The following TEX36 variants were observed in gnomAD, a reference collection of about 807,000 sequenced individuals.
TEX36 encodes testis expressed 36.
Under a neutral mutation model 13.6 loss-of-function variants are expected in TEX36, and 12 were observed. The ratio of observed to expected loss-of-function variants is 0.88; its 90% CI spans 0.56 to 1.43. The LOEUF (loss-of-function observed/expected upper bound fraction) is 1.43, where lower values mean the gene tolerates loss of function less well. TEX36 is among the 40% of genes most tolerant of loss of function. The probability of loss-of-function intolerance (pLI) is 0.00; values close to 1 mark genes in which losing one functional copy is unlikely to be tolerated. For synonymous variants in TEX36, 93 were observed against 83.0 expected, an observed-to-expected ratio of 1.12 and a Z score of -0.65; for missense variants, 224 against 228.3, an observed-to-expected ratio of 0.98 and a Z score of 0.12.
chr10:125,626,982 G>C (rs893242320), intron 3 of TEX36, among the ~76,000 whole-genome samples: 2 of 152,142 alleles, frequency 1.3e-5, no homozygotes, highest in Non-Finnish European at 2.9e-5. Flanking sequence ...TCCGGAGGGG[G>C]CTGGTGGGAT....
At chr10:125,630,564 T>G (rs1846540079) in intron 3 of TEX36, among the ~76,000 whole-genome samples, 1 of 152,292 alleles carries the variant, frequency 6.6e-6, no homozygotes, top group South Asian at 2.1e-4. Flanking sequence ...TCTGCCATAT[T>G]CTACTGGACA....
rs575153974 is a variant in TEX36 at position 125,586,901 on chromosome 10, G to A, written c.265-10027C>T. 3.6e-4 allele frequency among the ~76,000 whole-genome samples: 55 copies of A among 152,216 alleles called. No individual in the cohort carries two copies. The East Asian group carries it at 0.01, about 28-fold the overall frequency. ...CCCGGTGTTGGAGGTGGGGCCTGGT[G>A]GGAGGTGATTGGAAAGGTGGTTTCT... is the stretch of plus-strand genomic sequence containing the variant. On this transcript the variant is annotated intron_variant, in intron 3 of 3. Coordinates refer to the TEX36 transcript ENST00000532135.
downstream of TEX36, among the ~76,000 whole-genome samples, chr10:125,620,939 T>G (rs1288786105): frequency 1.3e-5 from 2 of 152,204 alleles, no homozygotes; most frequent in African/African-American, 4.8e-5. Flanking sequence ...TTTATCCATG[T>G]TGTAGCATGT....
In TEX36 at chr10:125,655,855, T is replaced by C. The variant is rs779595949; in HGVS notation, c.*45A>G. The C allele has an allele frequency of 6.9e-7, 1 of 1,444,362 alleles. No homozygotes were observed. The highest frequency in any genetic ancestry group is 9.1e-7 in the Non-Finnish European group (1 of 1,094,836). The allele number at this position is 1,444,362 out of a possible 1,614,324, so 89.5% of individuals were successfully genotyped here. A position where few individuals can be genotyped will look rare whatever the true frequency, so the allele number is the denominator to read the frequency against. ...AAACATATACTTTTAGGATGTCTGA[T>C]GAAATACCAGTATTACAAAATTCAT... is the stretch of plus-strand genomic sequence containing the variant. On this transcript the variant is annotated 3_prime_UTR_variant, in exon 4 of 4. Transcript: ENST00000368821.
intron 3 of TEX36, among the ~76,000 whole-genome samples, chr10:125,646,765 G>C (rs1846775141): frequency 1.3e-5 from 2 of 151,588 alleles, no homozygotes; most frequent in East Asian, 1.9e-4. Context: ...AAATAAAAAT[G>C]ATCAAAATTA....
At chr10:125,595,772 G>C (rs184009805) in intron 3 of TEX36, among the ~76,000 whole-genome samples, 121 of 152,248 alleles carry the variant, frequency 7.9e-4, no homozygotes, top group Non-Finnish European at 1.4e-3. Context: ...ACTTTGTCTA[G>C]GATGGCAGTC....
chr10:125,579,516 G>A (rs1845861218), intron 3 of TEX36, among the ~76,000 whole-genome samples: 1 of 152,190 alleles, frequency 6.6e-6, no homozygotes, highest in African/African-American at 2.4e-5. Flanking sequence ...TGGGGACACA[G>A]TCAAATCATG....
At chr10:125,635,646 C>T (rs1466444134) in intron 3 of TEX36, among the ~76,000 whole-genome samples, 1 of 152,188 alleles carries the variant, frequency 6.6e-6, no homozygotes, top group Non-Finnish European at 1.5e-5. Flanking sequence ...TGCCATCCTC[C>T]TGGCCTGAGA....
At chr10:125,629,153 A>T (rs1005678424) in intron 3 of TEX36, among the ~76,000 whole-genome samples, 1 of 152,236 alleles carries the variant, frequency 6.6e-6, no homozygotes, top group South Asian at 2.1e-4. Context: ...GATCTACATC[A>T]TAACTGCAAT....
At chr10:125,655,079 C>T (rs1397366263), downstream of TEX36, among the ~76,000 whole-genome samples, 2 of 152,094 alleles carry the variant, frequency 1.3e-5, no homozygotes, top group Admixed American at 6.5e-5. Flanking sequence ...ATATAGGCAG[C>T]GATTTTTTAA....
At chr10:125,645,311 G>A (rs1697533273) in intron 3 of TEX36, among the ~76,000 whole-genome samples, 1 of 152,176 alleles carries the variant, frequency 6.6e-6, no homozygotes, top group Admixed American at 6.5e-5. Context: ...AGGTGATTGG[G>A]TTATAAGGGC....
chr10:125,626,958 G>A (rs1472975186), intron 3 of TEX36, among the ~76,000 whole-genome samples: 3 of 152,134 alleles, frequency 2.0e-5, no homozygotes, highest in Non-Finnish European at 4.4e-5. Context: ...GACTGAAAAG[G>A]GAAGGAGGGA....
intron 3 of TEX36, among the ~76,000 whole-genome samples, chr10:125,612,483 A>G (rs1473979473): frequency 1.3e-5 from 2 of 152,156 alleles, no homozygotes; most frequent in African/African-American, 4.8e-5. Context: ...TGTTCTATTT[A>G]GCTCAGCTAA....
intron 3 of TEX36, among the ~76,000 whole-genome samples, chr10:125,644,812 C>T (rs1843274798): frequency 6.6e-6 from 1 of 152,148 alleles, no homozygotes; most frequent in Admixed American, 6.5e-5. Context: ...TGAAGGTTAT[C>T]CTGGTTGGGT....
downstream of TEX36, among the ~76,000 whole-genome samples, chr10:125,651,286 A>C (rs1262241689): frequency 6.6e-6 from 1 of 152,220 alleles, no homozygotes; most frequent in Admixed American, 6.5e-5. Flanking sequence ...CACATCAAAA[A>C]GCTTATCCAC....
intron 3 of TEX36, among the ~76,000 whole-genome samples, chr10:125,604,807 T>C (rs909470750): frequency 1.3e-5 from 2 of 151,478 alleles, no homozygotes; most frequent in African/African-American, 4.9e-5. Flanking sequence ...CGAGACTCTC[T>C]CTCAAAAAAA....
At chr10:125,679,600 C>T (rs1467863904) in intron 1 of TEX36, among the ~76,000 whole-genome samples, 1 of 152,218 alleles carries the variant, frequency 6.6e-6, no homozygotes, top group Non-Finnish European at 1.5e-5. Flanking sequence ...CTCTCACTTA[C>T]TCACTTACCC....
intron 3 of TEX36, among the ~76,000 whole-genome samples, chr10:125,633,189 G>A (rs1425852387): frequency 6.6e-6 from 1 of 152,144 alleles, no homozygotes; most frequent in African/African-American, 2.4e-5. Flanking sequence ...TCTCTCCAGA[G>A]GGAAAATTCC....
chr10:125,590,891 G>T (rs1037005413), intron 3 of TEX36, among the ~76,000 whole-genome samples: 7 of 152,094 alleles, frequency 4.6e-5, no homozygotes, highest in African/African-American at 1.7e-4. Context: ...TTACAAAAGG[G>T]CTCCAAAAGT....
Sources: gnomAD v4.1 joint callset for allele counts (sites outside exome capture counted in the v4.1 genomes callset) on GRCh38, gnomAD v4.1.1 for gene constraint, MANE v1.5 for transcripts, NCBI Gene and HGNC (gene_info 2026-07-23, HGNC 2026-07-21) for gene names.